Variants in PPM1B observed in about 807,000 individuals in gnomAD.
PPM1B encodes protein phosphatase 1B.
A neutral mutation model predicts 43.0 loss-of-function variants in PPM1B; 22 were observed. The ratio of observed to expected loss-of-function variants is 0.51; its 90% CI spans 0.37 to 0.73. The LOEUF is 0.73. Among genes scored for constraint, PPM1B ranks in the 30% least tolerant of loss-of-function variants. The pLI is 0.00. For missense variants in PPM1B, 632 were observed against 584.2 expected (o/e 1.08, Z -0.84); for synonymous variants, 217 against 197.9 (o/e 1.10, Z -0.81).
intron 1 of PPM1B, among the ~76,000 whole-genome samples, chr2:44,170,360 G>T (rs1667273368): frequency 6.6e-6 from 1 of 152,232 alleles, no homozygotes; most frequent in African/African-American, 2.4e-5. Flanking sequence ...AAGTTGGCAG[G>T]CATGTTGTAA....
Position 44,209,201 on chromosome 2 carries a change from A to C in PPM1B, c.847-9A>C. The C allele has an allele frequency of 1.3e-6, 2 of 1,555,918 alleles. No homozygotes were observed. The highest frequency in any genetic ancestry group is 2.3e-5 in the East Asian group (1 of 44,172). ...ACAATTTTTTTTCTTTTTTTTCTTT[A>C]ATACACAGGGAAGTCGAGATAACAT... On this transcript the variant is annotated splice_polypyrimidine_tract_variant and intron_variant, in intron 2 of 5. Coordinates refer to ENST00000282412, the MANE Select transcript of PPM1B (RefSeq NM_002706.6).
chr2:44,201,487 G>C lies in PPM1B; in HGVS notation c.288G>C (p.Glu96Asp). 6.2e-7 allele frequency: 1 copy of C among 1,614,172 alleles called. No homozygotes were observed. The highest frequency in any genetic ancestry group is 8.5e-7 in the Non-Finnish European group (1 of 1,180,020). ...CTGGAAAATCAGGATCTGCTCTTGA[G>C]CTTTCAGTGGAAAATGTTAAGAATG... ...RAAGKSGSAL[E>D]LSVENVKNGI... is the part of the protein sequence containing the mutation. Residue 96 changes from glutamate (E) to aspartate (D), a missense_variant, in exon 2 of 6, where the codon GAG becomes GAC. Glu to Asp is a conservative substitution (Grantham distance 45). Transcript: ENST00000282412. The surrounding 1 kb of genome is among the most constrained non-coding windows in gnomAD (Gnocchi z 5.4).
chr2:44,182,854 T>A (rs932292295), intron 1 of PPM1B, among the ~76,000 whole-genome samples: 15 of 152,318 alleles, frequency 9.8e-5, no homozygotes, highest in Non-Finnish European at 1.9e-4. Flanking sequence ...ATTTAGATTT[T>A]CTTCTTAGCA....
chr2:44,201,461 G>C lies in PPM1B; in HGVS notation c.262G>C (p.Ala88Pro). Residue 88 changes from alanine (A) to proline (P), a missense_variant, in exon 2 of 6, where the codon GCT (alanine) becomes CCT (proline). Physicochemically the swap from Ala to Pro is conservative, Grantham distance 27 (BLOSUM62 -1). Around this residue, in one of 3 missense-constraint regions of PPM1B, gnomAD observed 200 missense variants for 200.7 expected, o/e 1.00. Coordinates refer to ENST00000282412, the MANE Select transcript of PPM1B (RefSeq NM_002706.6). This position sits in a 1 kb window ranked among gnomAD's most constrained non-coding sequence, Gnocchi z 5.4. ...CACTACTAACGAAGACTTTAGGGCAGCTGGAAAATCAGGATCTGCTCTTGA... is the reference window on the plus strand; with the variant it reads ...CACTACTAACGAAGACTTTAGGGCACCTGGAAAATCAGGATCTGCTCTTGA... Reference protein sequence around the residue: ...HITTNEDFRAAGKSGSALELS... With the variant: ...HITTNEDFRAPGKSGSALELS... The C allele has an allele frequency of 6.2e-7, 1 of 1,614,230 alleles. No individual in the cohort carries two copies. Among genetic ancestry groups the C allele is most frequent in the Non-Finnish European group, 8.5e-7 (1 of 1,180,036 alleles).
chr2:44,205,354 G>GGTGTGTGTGTCGGGGTGTGTGT lies in PPM1B; in HGVS notation c.846+3319_846+3320insCGGGGTGTGTGTGTGTGTGTGT, dbSNP rs1553333036. 6.6e-3 allele frequency among the ~76,000 whole-genome samples: 605 copies of GGTGTGTGTGTCGGGGTGTGTGT among 91,802 alleles called. 4 individuals are homozygous for GGTGTGTGTGTCGGGGTGTGTGT. The highest frequency in any genetic ancestry group is 0.017 in the Middle Eastern group (3 of 178). 60.2% of individuals were successfully genotyped at this position (91,802 alleles called of 152,430 possible). On this transcript the variant is annotated intron_variant, in intron 2 of 5. Transcript: ENST00000282412. ...AAGAGTGGGTGTGGGTGTGGGTGTG[G>GGTGTGTGTGTCGGGGTGTGTGT]GTGTGTGTGTGTGTGTGTGTGTGTG... is the stretch of plus-strand genomic sequence containing the variant.
At position 44,201,954 on chromosome 2, in the gene PPM1B, A is replaced by G. The variant is rs1198000028; in HGVS notation, c.755A>G (p.Glu252Gly). Residue 252 changes from glutamate to glycine, a missense_variant, in exon 2 of 6, where the codon GAG becomes GGG. By Grantham distance (98) the Glu-to-Gly change is moderately conservative (BLOSUM62 -2). This residue lies in a region of PPM1B where 392 missense variants were observed against 302.7 expected (regional missense o/e 1.29). Transcript: ENST00000282412. The surrounding 1 kb of genome is among the most constrained non-coding windows in gnomAD (Gnocchi z 5.4). Reference protein sequence around the residue: ...CDGIWDVMSNEELCEYVKSRL... With the variant: ...CDGIWDVMSNGELCEYVKSRL... ...GGGATCTGGGATGTTATGAGTAATGAGGAGCTCTGTGAATATGTTAAATCT... is the reference window on the plus strand; with the variant it reads ...GGGATCTGGGATGTTATGAGTAATGGGGAGCTCTGTGAATATGTTAAATCT... The G allele has an allele frequency of 1.2e-6, 2 of 1,614,004 alleles. No individual in the cohort carries two copies. Among genetic ancestry groups the G allele is most frequent in the Non-Finnish European group, 1.7e-6 (2 of 1,180,012 alleles).
chr2:44,207,038 A>G (rs1214295918), intron 2 of PPM1B, among the ~76,000 whole-genome samples: 1 of 152,194 alleles, frequency 6.6e-6, no homozygotes, highest in African/African-American at 2.4e-5. Context: ...CAATTTGGAA[A>G]TGGTTTTTCC....
At chr2:44,181,860 C>T (rs1327229248) in intron 1 of PPM1B, among the ~76,000 whole-genome samples, 1 of 152,128 alleles carries the variant, frequency 6.6e-6, no homozygotes, top group African/African-American at 2.4e-5. Context: ...CATCAGAGGG[C>T]AGATACTGTG....
intron 2 of PPM1B, among the ~76,000 whole-genome samples, chr2:44,205,888 G>A (rs1669168634): frequency 6.6e-6 from 1 of 152,090 alleles, no homozygotes. Context: ...CATAGAAAAT[G>A]TAACCCCCTC....
intron 1 of PPM1B, among the ~76,000 whole-genome samples, chr2:44,193,128 T>C (rs1169985211): frequency 6.6e-6 from 1 of 152,178 alleles, no homozygotes; most frequent in Non-Finnish European, 1.5e-5. Flanking sequence ...CTGGTTTTAG[T>C]TTTTTGAGGA....
downstream of PPM1B, chr2:44,234,554 C>T: frequency 1.0e-6 from 1 of 981,372 alleles, no homozygotes; most frequent in African/African-American, 1.8e-5. Context: ...ACTTTTCCGG[C>T]AGGGGGCAGG....
At chr2:44,172,736 C>T (rs533978753) in intron 1 of PPM1B, among the ~76,000 whole-genome samples, 1 of 152,144 alleles carries the variant, frequency 6.6e-6, no homozygotes, top group Non-Finnish European at 1.5e-5. Flanking sequence ...ATAGCAAGAC[C>T]CTGTCTCTAC....
chr2:44,222,602 C>T (rs540819729), intron 5 of PPM1B, among the ~76,000 whole-genome samples: 1 of 152,160 alleles, frequency 6.6e-6, no homozygotes, highest in East Asian at 1.9e-4. Context: ...TTCTCAGCAC[C>T]CTTCTTTTAC....
In PPM1B at chr2:44,176,693, A is replaced by G. The variant is rs762622683; in HGVS notation, c.-15+7419A>G. 2.0e-5 allele frequency among the ~76,000 whole-genome samples: 3 copies of G among 152,284 alleles called. No homozygotes were observed. In the South Asian group the frequency reaches 6.2e-4, roughly 32 times the overall value. On this transcript the variant is annotated intron_variant, in intron 1 of 5. Transcript: ENST00000282412. The stretch of plus-strand genomic sequence containing the variant: ...AACATTGCAAACTTAAGCATAAAAG[A>G]TCTTTCATCTTTTTGTTCTTATTTT...
intron 3 of PPM1B, among the ~76,000 whole-genome samples, chr2:44,211,969 G>A (rs1289885782): frequency 2.0e-5 from 3 of 152,016 alleles, no homozygotes; most frequent in Non-Finnish European, 2.9e-5. Context: ...GGCTGATCTC[G>A]AACTTTCTGA....
chr2:44,186,339 G>A (rs1380104916), intron 1 of PPM1B, among the ~76,000 whole-genome samples: 3 of 152,164 alleles, frequency 2.0e-5, no homozygotes, highest in Admixed American at 2.0e-4. Flanking sequence ...TTTGAAGATA[G>A]AAGCACATTA....
chr2:44,196,239 C>G (rs998955669), intron 1 of PPM1B, among the ~76,000 whole-genome samples: 1 of 152,196 alleles, frequency 6.6e-6, no homozygotes, highest in Non-Finnish European at 1.5e-5. Context: ...CCCCTGTTGG[C>G]TGTGGCAGTT....
At chr2:44,228,247 G>T (rs1572756783) in intron 5 of PPM1B, among the ~76,000 whole-genome samples, 1 of 146,454 alleles carries the variant, frequency 6.8e-6, no homozygotes. Context: ...GTGTTCATTG[G>T]TATGGTCATG....
At chr2:44,176,678 A>G (rs573964135) in intron 1 of PPM1B, among the ~76,000 whole-genome samples, 1 of 152,314 alleles carries the variant, frequency 6.6e-6, no homozygotes, top group South Asian at 2.1e-4. Context: ...AACATTGCAA[A>G]CTTAAGCATA....
Sources: gnomAD v4.1 joint callset for allele counts (sites outside exome capture counted in the v4.1 genomes callset) on GRCh38, gnomAD v4.1.1 for gene constraint, gnomAD v4.1.1 regional missense constraint, Gnocchi (gnomAD v3.1) non-coding constraint, MANE v1.5 for transcripts, NCBI Gene and HGNC (gene_info 2026-07-23, HGNC 2026-07-21) for gene names.